The following GLIS1 variants were observed in gnomAD, a reference collection of about 807,000 sequenced individuals.
GLIS1 encodes zinc finger protein GLIS1.
In GLIS1, 24 loss-of-function variants were observed where a neutral mutation model predicts 63.8. The observed-to-expected ratio is 0.38, with a 90% CI of 0.27 to 0.53. The LOEUF (loss-of-function observed/expected upper bound fraction) is 0.53. Ranked by LOEUF, GLIS1 falls within the 20% of genes least tolerant of loss-of-function variation. The pLI is 0.85. For missense variants in GLIS1, 1,036 were observed against 1,074.1 expected, an observed-to-expected ratio of 0.96 and a Z score of 0.50; for synonymous variants, 450 against 482.5, an observed-to-expected ratio of 0.93 and a Z score of 0.88.
intron 4 of GLIS1, among the ~76,000 whole-genome samples, chr1:53,550,562 T>C (rs145990142): frequency 1.3e-5 from 2 of 152,316 alleles, no homozygotes; most frequent in Non-Finnish European, 2.9e-5. Context: ...ATTGGCATTA[T>C]GAACTATGAG....
At chr1:53,636,907 C>T (rs1482354341) in intron 2 of GLIS1, among the ~76,000 whole-genome samples, 1 of 152,220 alleles carries the variant, frequency 6.6e-6, no homozygotes, top group African/African-American at 2.4e-5. Flanking sequence ...TGCAGTGTCC[C>T]TACCTCAGCT....
At chr1:53,629,183 C>G (rs895583589) in intron 2 of GLIS1, among the ~76,000 whole-genome samples, 1 of 152,118 alleles carries the variant, frequency 6.6e-6, no homozygotes, top group African/African-American at 2.4e-5. Flanking sequence ...GATGCAACCC[C>G]GCCCCTACTC....
At chr1:53,688,076 G>A (rs1238763066) in intron 2 of GLIS1, among the ~76,000 whole-genome samples, 2 of 152,212 alleles carry the variant, frequency 1.3e-5, no homozygotes, top group African/African-American at 2.4e-5. Flanking sequence ...CTGGAGGCCA[G>A]ACTGGCCCTG....
chr1:53,698,825 G>T (rs1432332320), intron 2 of GLIS1, among the ~76,000 whole-genome samples: 1 of 152,126 alleles, frequency 6.6e-6, no homozygotes, highest in Non-Finnish European at 1.5e-5. Context: ...CGAGCCCATT[G>T]ACCTAGATTA....
chr1:53,642,784 C>T (rs950135823), intron 2 of GLIS1, among the ~76,000 whole-genome samples: 3 of 152,190 alleles, frequency 2.0e-5, no homozygotes, highest in African/African-American at 7.2e-5. Context: ...AACGTCACCT[C>T]CTCCGGGAAG....
intron 2 of GLIS1, among the ~76,000 whole-genome samples, chr1:53,730,080 T>G (rs1243357779): frequency 2.0e-5 from 3 of 152,198 alleles, no homozygotes; most frequent in Non-Finnish European, 2.9e-5. Flanking sequence ...GACTTGAGAC[T>G]GCTGAAGCTA....
intron 2 of GLIS1, among the ~76,000 whole-genome samples, chr1:53,722,478 T>C (rs975959887): frequency 2.6e-5 from 4 of 152,218 alleles, no homozygotes; most frequent in East Asian, 1.9e-4. Flanking sequence ...AGGACCCTTT[T>C]TGGGCCTTCC....
intron 2 of GLIS1, among the ~76,000 whole-genome samples, chr1:53,626,972 A>T (rs1223403779): frequency 6.6e-6 from 1 of 152,230 alleles, no homozygotes; most frequent in African/African-American, 2.4e-5. Context: ...TAAACTGTAG[A>T]GCACTGTGAA....
chr1:53,510,466 C>T (rs980480700), intron 8 of GLIS1, among the ~76,000 whole-genome samples: 25 of 152,296 alleles, frequency 1.6e-4, no homozygotes, highest in Admixed American at 8.5e-4. Flanking sequence ...GCCACCTGGA[C>T]GAGGAGCCCT....
At chr1:53,654,630 A>T (rs1157574457) in intron 2 of GLIS1, among the ~76,000 whole-genome samples, 1 of 152,038 alleles carries the variant, frequency 6.6e-6, no homozygotes, top group Admixed American at 6.6e-5. Flanking sequence ...GGAGGGGGAA[A>T]CTCGGAGAGC....
rs749918686 is a variant in GLIS1 at position 53,506,242 on chromosome 1, T to C, written c.*377A>G. The stretch of plus-strand genomic sequence containing the variant: ...AGCAGAACGAGGACTTCACATCTCC[T>C]TTCCAGTTTTTAATGTTTTTTCTTG... On this transcript the variant is annotated 3_prime_UTR_variant, in exon 11 of 11. Transcript: ENST00000628545. 1 of 216,628 alleles carries C rather than the reference T, an allele frequency of 4.6e-6. No individual in the cohort carries two copies. The highest frequency in any genetic ancestry group is 9.3e-6 in the Non-Finnish European group (1 of 107,618). The allele number at this position is 216,628 out of a possible 1,614,324, so 13.4% of individuals were successfully genotyped here.
chr1:53,738,022 T>A lies in GLIS1; in HGVS notation c.43A>T (p.Lys15Ter). ...GGGCCGGGCGCACCAGGGGCCTCCT[T>A]AGGCCTCTTGTCCGAGTGTGCCTCA... ...VAEAHSDKRP[K>*]EAPGAPGPDR... The change falls in exon 2 of 11, where the codon AAG becomes TAG. Residue 15 changes from lysine to a stop codon, truncating the protein, a stop_gained. Coordinates refer to ENST00000628545, the MANE Select transcript of GLIS1 (RefSeq NM_001367484.1). LOFTEE classifies it high-confidence loss of function. 1 of 1,230,588 alleles carries A rather than the reference T, an allele frequency of 8.1e-7. No individual in the cohort carries two copies. The allele number at this position is 1,230,588 out of a possible 1,614,324, so 76.2% of individuals were successfully genotyped here.
intron 8 of GLIS1, among the ~76,000 whole-genome samples, chr1:53,512,997 T>C (rs1187350258): frequency 6.6e-6 from 1 of 152,134 alleles, no homozygotes; most frequent in African/African-American, 2.4e-5. Context: ...GGCCTTATAA[T>C]GCCTTTCACA....
At chr1:53,671,292 C>T (rs1646147886) in intron 2 of GLIS1, among the ~76,000 whole-genome samples, 1 of 152,310 alleles carries the variant, frequency 6.6e-6, no homozygotes, top group South Asian at 2.1e-4. Context: ...AGATGTTTAA[C>T]ATACGGAGTC....
At chr1:53,619,482 G>A (rs1645518895) in intron 2 of GLIS1, among the ~76,000 whole-genome samples, 1 of 152,216 alleles carries the variant, frequency 6.6e-6, no homozygotes, top group African/African-American at 2.4e-5. Flanking sequence ...AGAACACTGT[G>A]CTAAACATTT....
intron 4 of GLIS1, among the ~76,000 whole-genome samples, chr1:53,571,566 AATAATATGG>A (rs1557456715): frequency 1.3e-5 from 2 of 151,366 alleles, no homozygotes; most frequent in Non-Finnish European, 2.9e-5. Context: ...AGCTGCACAC[AATAATATGG>A]ATAAAAATTT....
intron 2 of GLIS1, among the ~76,000 whole-genome samples, chr1:53,660,161 A>T (rs946193848): frequency 6.6e-6 from 1 of 152,106 alleles, no homozygotes; most frequent in South Asian, 2.1e-4. Flanking sequence ...ATGGGGGAAC[A>T]TCCGAAAAGC....
intron 2 of GLIS1, among the ~76,000 whole-genome samples, chr1:53,606,848 T>A (rs964694630): frequency 1.3e-5 from 2 of 152,196 alleles, no homozygotes; most frequent in African/African-American, 4.8e-5. Flanking sequence ...AAGAATCCCA[T>A]AAATTCCCCC....
intron 2 of GLIS1, among the ~76,000 whole-genome samples, chr1:53,674,363 G>T (rs1488696968): frequency 1.3e-5 from 2 of 152,162 alleles, no homozygotes; most frequent in Non-Finnish European, 2.9e-5. Flanking sequence ...CAGAATCTCT[G>T]TGGACAGGGC....
Sources: gnomAD v4.1 joint callset for allele counts (sites outside exome capture counted in the v4.1 genomes callset) on GRCh38, gnomAD v4.1.1 for gene constraint, MANE v1.5 for transcripts, NCBI Gene and HGNC (gene_info 2026-07-23, HGNC 2026-07-21) for gene names.